TMEFF1: variants seen among roughly 807,000 people sequenced by gnomAD.
TMEFF1 encodes tomoregulin-1.
In TMEFF1, 20 loss-of-function variants were observed where a neutral mutation model predicts 47.5. That is an observed-to-expected ratio of 0.42 (90% CI 0.30 to 0.61). The LOEUF (loss-of-function observed/expected upper bound fraction) is 0.61. Among genes scored for constraint, TMEFF1 ranks in the 20% least tolerant of loss-of-function variants. The pLI is 0.19. For synonymous variants in TMEFF1, 162 were observed against 166.3 expected, an observed-to-expected ratio of 0.97 and a Z score of 0.20; for missense variants, 411 against 471.1, an observed-to-expected ratio of 0.87 and a Z score of 1.18.
chr9:100,513,670 A>G (rs1190996832), intron 4 of TMEFF1, among the ~76,000 whole-genome samples: 1 of 152,126 alleles, frequency 6.6e-6, no homozygotes, highest in Non-Finnish European at 1.5e-5. Context: ...GTTTATTGTC[A>G]TACTAAGGGG....
chr9:100,570,288 A>C (rs1479608387), intron 8 of TMEFF1, among the ~76,000 whole-genome samples: 2 of 152,208 alleles, frequency 1.3e-5, no homozygotes, highest in Admixed American at 6.5e-5. Context: ...TCCTATAGTT[A>C]TATACCCAGT....
chr9:100,484,869 G>A (rs1361254559), intron 1 of TMEFF1, among the ~76,000 whole-genome samples: 3 of 151,626 alleles, frequency 2.0e-5, no homozygotes, highest in Non-Finnish European at 4.4e-5. Context: ...TAGAGACGGA[G>A]TTTCACTGCG....
intron 5 of TMEFF1, among the ~76,000 whole-genome samples, chr9:100,524,594 T>C (rs1838222362): frequency 2.0e-5 from 3 of 152,214 alleles, no homozygotes; most frequent in African/African-American, 7.2e-5. Flanking sequence ...GGTAGAAATG[T>C]GATCAGAATG....
chr9:100,513,388 T>G, intron 4 of TMEFF1, 55 bp downstream of exon 4: 4 of 1,524,006 alleles, frequency 2.6e-6, no homozygotes, highest in Non-Finnish European at 3.5e-6. Flanking sequence ...TCTTTCTTTC[T>G]TTTTCTTTTT....
chr9:100,520,961 C>T (rs1306080165), intron 5 of TMEFF1, among the ~76,000 whole-genome samples: 1 of 152,184 alleles, frequency 6.6e-6, no homozygotes, highest in Non-Finnish European at 1.5e-5. Flanking sequence ...ATGTTTTCTT[C>T]TCTCTTGTAA....
Position 100,576,829 on chromosome 9 carries a change from T to C in TMEFF1, c.*229T>C. 1 of 415,504 alleles carries C rather than the reference T, an allele frequency of 2.4e-6. No individual in the cohort carries two copies. The allele number at this position is 415,504 out of a possible 1,614,324, so 25.7% of individuals were successfully genotyped here. On this transcript the variant is annotated 3_prime_UTR_variant, in exon 10 of 10. Coordinates refer to ENST00000374879, the MANE Select transcript of TMEFF1 (RefSeq NM_003692.5). ...TCACAAATTTGTACCACATGGTAAT[T>C]CTAAGACTTGTTCTTTACCCATGGA...
At chr9:100,549,026 A>T (rs563707241) in intron 6 of TMEFF1, among the ~76,000 whole-genome samples, 2 of 152,292 alleles carry the variant, frequency 1.3e-5, no homozygotes, top group South Asian at 4.1e-4. Flanking sequence ...TATTTGAATG[A>T]TACTCTACTC....
intron 7 of TMEFF1, among the ~76,000 whole-genome samples, chr9:100,558,726 C>T (rs1000658919): frequency 1.3e-5 from 2 of 151,728 alleles, no homozygotes; most frequent in Non-Finnish European, 2.9e-5. Context: ...TCTCCCTTTA[C>T]CAGGAGAAAA....
intron 3 of TMEFF1, among the ~76,000 whole-genome samples, chr9:100,512,621 T>C (rs1837989112): frequency 6.6e-6 from 1 of 152,220 alleles, no homozygotes; most frequent in African/African-American, 2.4e-5. Flanking sequence ...TGTTGGTTCC[T>C]TTAGGATTAT....
At chr9:100,572,259 C>CA (rs1264982988) in intron 8 of TMEFF1, among the ~76,000 whole-genome samples, 1 of 151,638 alleles carries the variant, frequency 6.6e-6, no homozygotes, top group Non-Finnish European at 1.5e-5. Context: ...GCAACAATAA[C>CA]AAAAAAAGAT....
intron 1 of TMEFF1, among the ~76,000 whole-genome samples, chr9:100,485,177 G>A (rs1362639043): frequency 6.6e-6 from 1 of 151,840 alleles, no homozygotes; most frequent in Non-Finnish European, 1.5e-5. Flanking sequence ...ACCACATTTT[G>A]TTTATCCATT....
Position 100,493,343 on chromosome 9 carries a change from C to T in TMEFF1, c.197-5422C>T, listed in dbSNP as rs530827822. Among the ~76,000 whole-genome samples the T allele has an allele frequency of 5.3e-5, 8 of 152,248 alleles. No homozygotes were observed. The South Asian group carries it at 1.7e-3, about 32-fold the overall frequency. On this transcript the variant is annotated intron_variant, in intron 1 of 9. Coordinates refer to ENST00000374879, the MANE Select transcript of TMEFF1 (RefSeq NM_003692.5). ...GAGTGTTAGCTAACTCATAAGATCC[C>T]CAAAACTACCTTTCTTTTTAACGGA...
At chr9:100,540,167 A>G (rs1238401318) in intron 5 of TMEFF1, among the ~76,000 whole-genome samples, 2 of 152,102 alleles carry the variant, frequency 1.3e-5, no homozygotes, top group African/African-American at 4.8e-5. Context: ...TTAGCTGGAC[A>G]TAAAAGTTCT....
At chr9:100,514,590 C>G (rs1032718249) in intron 4 of TMEFF1, among the ~76,000 whole-genome samples, 2 of 151,774 alleles carry the variant, frequency 1.3e-5, no homozygotes, top group Non-Finnish European at 2.9e-5. Flanking sequence ...GTGGCTCATG[C>G]CTAAAATCCC....
intron 8 of TMEFF1, among the ~76,000 whole-genome samples, chr9:100,568,621 G>A (rs1839171281): frequency 1.7e-5 from 2 of 118,712 alleles, no homozygotes; most frequent in Admixed American, 9.8e-5. Flanking sequence ...CTCCATTGGT[G>A]TTTAATATAT....
chr9:100,486,092 G>A (rs368651439), intron 1 of TMEFF1, among the ~76,000 whole-genome samples: 4 of 149,634 alleles, frequency 2.7e-5, no homozygotes, highest in East Asian at 2.0e-4. Context: ...GATTAAAAAA[G>A]GGAAAAAACC....
chr9:100,557,803 G>T, intron 7 of TMEFF1, among the ~76,000 whole-genome samples: 1 of 147,848 alleles, frequency 6.8e-6, no homozygotes, highest in African/African-American at 2.5e-5. Context: ...TTGACTATAA[G>T]CTTCTTGAGG....
Position 100,499,627 on chromosome 9 carries a change from G to A in TMEFF1, c.306+753G>A, listed in dbSNP as rs368472617. 5.3e-5 allele frequency among the ~76,000 whole-genome samples: 8 copies of A among 152,118 alleles called. No individual in the cohort carries two copies. The East Asian group carries it at 1.2e-3, about 22-fold the overall frequency. ...AAGAAAGGGCACAGAAATCAGAAAC[G>A]AAAGCATAGGAGAGTTAGTATTTCT... On this transcript the variant is annotated intron_variant, in intron 2 of 9. Coordinates refer to ENST00000374879, the MANE Select transcript of TMEFF1 (RefSeq NM_003692.5).
intron 5 of TMEFF1, among the ~76,000 whole-genome samples, chr9:100,542,554 C>T (rs1379115795): frequency 6.6e-6 from 1 of 152,144 alleles, no homozygotes; most frequent in Admixed American, 6.5e-5. Context: ...TATGTTCTAC[C>T]TTAGCGCATA....
Sources: gnomAD v4.1 joint callset for allele counts (sites outside exome capture counted in the v4.1 genomes callset) on GRCh38, gnomAD v4.1.1 for gene constraint, MANE v1.5 for transcripts, NCBI Gene and HGNC (gene_info 2026-07-23, HGNC 2026-07-21) for gene names.